The following CPA4 variants were observed in gnomAD, a reference collection of about 807,000 sequenced individuals.
CPA4 encodes the protein carboxypeptidase A4, also known as carboxypeptidase A3.
CPA4 carries 49 observed loss-of-function variants against 54.7 expected under a neutral mutation model. The ratio of observed to expected loss-of-function variants is 0.90; its 90% CI spans 0.71 to 1.14. CPA4 has a LOEUF of 1.14. Ranked by LOEUF, CPA4 falls within the 50% of genes most tolerant of loss-of-function variation. The pLI, the probability that CPA4 is intolerant of heterozygous loss-of-function variation, is 0.00. For synonymous variants in CPA4, 215 were observed against 206.8 expected (o/e 1.04, Z -0.34); for missense variants, 487 against 525.1 (o/e 0.93, Z 0.71).
chr7:130,294,239 C>T (rs1793615891), intron 1 of CPA4, among the ~76,000 whole-genome samples: 2 of 152,192 alleles, frequency 1.3e-5, no homozygotes, highest in South Asian at 4.2e-4. Context: ...TACCCTTTTG[C>T]TATAACACAA....
chr7:130,299,469 C>T (rs1196406646), intron 3 of CPA4, 65 bp downstream of exon 3: 18 of 1,477,120 alleles, frequency 1.2e-5, no homozygotes, highest in Admixed American at 1.1e-4. Flanking sequence ...CCAGAGTAGA[C>T]CGGAGTGATT....
chr7:130,295,786 C>T (rs1396995850), intron 1 of CPA4, among the ~76,000 whole-genome samples: 2 of 152,118 alleles, frequency 1.3e-5, no homozygotes, highest in Non-Finnish European at 2.9e-5. Context: ...TCGAGACCAG[C>T]CTGACCAACA....
chr7:130,307,759 CT>C (rs1298010798), intron 7 of CPA4, among the ~76,000 whole-genome samples: 3 of 152,150 alleles, frequency 2.0e-5, no homozygotes, highest in African/African-American at 7.2e-5. Context: ...CCACACACAC[CT>C]TTTAAAAGTC....
At chr7:130,308,161 A>G in intron 7 of CPA4, 146 bp from the exon 8 acceptor site, 2 of 681,760 alleles carry the variant, frequency 2.9e-6, no homozygotes, top group Non-Finnish European at 2.7e-6. Flanking sequence ...AGGAGAGACA[A>G]CTGCTCAATG....
rs1793887910 is a variant in CPA4 at position 130,310,096 on chromosome 7, T to C, written c.794-691T>C. 6.6e-6 allele frequency among the ~76,000 whole-genome samples: 1 copy of C among 152,220 alleles called. No homozygotes were observed. The highest frequency in any genetic ancestry group is 2.4e-5 in the African/African-American group (1 of 41,448). On this transcript the variant is annotated intron_variant, in intron 8 of 10. Transcript: ENST00000222482. The surrounding 1 kb of genome is among the most constrained non-coding windows in gnomAD (Gnocchi z 4.3). ...TGGTTTGTTTTTAATGTGCTTCTTT[T>C]ACTTGTATAGAAATACCACACAAAC... is the stretch of plus-strand genomic sequence containing the variant.
chr7:130,299,958 C>T (rs1007530027), intron 3 of CPA4, among the ~76,000 whole-genome samples: 1 of 152,166 alleles, frequency 6.6e-6, no homozygotes, highest in South Asian at 2.1e-4. Context: ...GAGGGAATGC[C>T]GTCCTCTGGC....
chr7:130,317,504 C>T (rs889809907), intron 10 of CPA4, among the ~76,000 whole-genome samples: 3 of 152,232 alleles, frequency 2.0e-5, no homozygotes, highest in African/African-American at 7.2e-5. Context: ...ACTCTCTGGT[C>T]CAGTCTGGAG....
intron 10 of CPA4, among the ~76,000 whole-genome samples, chr7:130,313,989 T>C (rs1451800266): frequency 2.0e-5 from 3 of 152,196 alleles, no homozygotes; most frequent in African/African-American, 7.2e-5. Flanking sequence ...AATTATTTTT[T>C]ACACAATACT....
At chr7:130,293,339 G>C (rs1793601561) in intron 1 of CPA4, 91 bp downstream of exon 1, 1 of 803,518 alleles carries the variant, frequency 1.2e-6, no homozygotes, top group South Asian at 1.4e-5. Context: ...AGCTCACATG[G>C]AGGAAGAAGA....
Position 130,312,109 on chromosome 7 carries a change from C to T in CPA4, c.1065C>T (p.Thr355=), listed in dbSNP as rs774341134. The change falls in exon 10 of 11, where the codon ACC becomes ACT. Residue 355 remains threonine (T), a synonymous_variant. Transcript: ENST00000222482. ...VSGTEYQVGP[T]CTTVYPASGS... ...GCACTGAGTACCAAGTGGGTCCCAC[C>T]TGCACCACTGTCTGTAAGTACTCGC... is the stretch of plus-strand genomic sequence containing the variant. 2 of 1,612,676 alleles carry T rather than the reference C, an allele frequency of 1.2e-6. No individual in the cohort carries two copies. Among genetic ancestry groups the T allele is most frequent in the South Asian group, 2.2e-5 (2 of 91,044 alleles).
At chr7:130,301,884 G>A (rs771668451) in intron 4 of CPA4, among the ~76,000 whole-genome samples, 2 of 152,192 alleles carry the variant, frequency 1.3e-5, no homozygotes, top group Non-Finnish European at 2.9e-5. Context: ...GGCCATGGAC[G>A]AAAGCAGAGC....
chr7:130,311,960 C>A, intron 9 of CPA4, 78 bp from the exon 10 acceptor site: 1 of 1,074,312 alleles, frequency 9.3e-7, no homozygotes, highest in Non-Finnish European at 1.4e-6. Context: ...TCTTCCAAAC[C>A]ATCCCAGAGC....
Position 130,305,940 on chromosome 7 carries a change from GC to G in CPA4, c.591+22del. 6.3e-7 allele frequency: 1 copy of G among 1,592,088 alleles called. No individual in the cohort carries two copies. On this transcript the variant is annotated intron_variant, in intron 6 of 10. Coordinates refer to ENST00000222482, the MANE Select transcript of CPA4 (RefSeq NM_016352.4). ...AGGAAGGTCATGCTGCGTGGTATTA[GC>G]CAGGAATGCTGATGGTGCCGGGGTG...
chr7:130,306,236 C>G, intron 6 of CPA4: 1 of 350,610 alleles, frequency 2.9e-6, no homozygotes, highest in Non-Finnish European at 5.3e-6. Flanking sequence ...GGGGACCTCA[C>G]GCCATCTCCA....
chr7:130,300,103 T>A (rs1244334817), intron 3 of CPA4, among the ~76,000 whole-genome samples: 1 of 152,164 alleles, frequency 6.6e-6, no homozygotes, highest in Non-Finnish European at 1.5e-5. Context: ...TTATTAATCA[T>A]CCTCACATGT....
At chr7:130,295,875 A>G (rs961607264) in intron 1 of CPA4, among the ~76,000 whole-genome samples, 3 of 152,214 alleles carry the variant, frequency 2.0e-5, no homozygotes, top group Non-Finnish European at 4.4e-5. Flanking sequence ...GCTACTTGGG[A>G]GGCTGAGGCA....
In CPA4 at chr7:130,324,080, TG is replaced by T. The variant is rs1486026951; in HGVS notation, c.*1405del. The T allele has an allele frequency of 1.3e-5, 2 of 152,672 alleles. No homozygotes were observed. The highest frequency in any genetic ancestry group is 2.4e-5 in the African/African-American group (1 of 41,460). 9.5% of individuals were successfully genotyped at this position (152,672 alleles called of 1,614,324 possible). ...TGTTGTTGTTTTGTTTTTGTTTTTT[TG>T]CTTTTACCAAACATGTCTGTAAATC... On this transcript the variant is annotated 3_prime_UTR_variant, in exon 11 of 11. Transcript: ENST00000222482.
At position 130,322,589 on chromosome 7, in the gene CPA4, G is replaced by A. The variant is rs764066820; in HGVS notation, c.1179G>A (p.Leu393=). ...ATACCGGGACCTATGGCTTCCTCCT[G>A]CCAGCTAACCAGATCATCCCCACTG... ...LRDTGTYGFL[L]PANQIIPTAE... is the part of the protein sequence containing the mutation. The change falls in exon 11 of 11, where the codon CTG becomes CTA. Residue 393 remains leucine, a synonymous_variant. Transcript: ENST00000222482. The A allele has an allele frequency of 7.4e-6, 12 of 1,614,210 alleles. No individual in the cohort carries two copies. The East Asian group carries it at 2.7e-4, about 36-fold the overall frequency.
intron 8 of CPA4, among the ~76,000 whole-genome samples, chr7:130,308,850 C>CT (rs1249548992): frequency 0.017 from 2,084 of 120,232 alleles, 40 homozygotes; most frequent in Middle Eastern, 0.04. Context: ...CTAGCCCAGC[C>CT]TTTTTTTTTT....
Sources: gnomAD v4.1 joint callset for allele counts (sites outside exome capture counted in the v4.1 genomes callset) on GRCh38, gnomAD v4.1.1 for gene constraint, Gnocchi (gnomAD v3.1) non-coding constraint, MANE v1.5 for transcripts, NCBI Gene and HGNC (gene_info 2026-07-23, HGNC 2026-07-21) for gene names.